The following UBR4 variants were observed in gnomAD, a reference collection of about 807,000 sequenced individuals.
UBR4 encodes E3 ubiquitin-protein ligase UBR4.
Under a neutral mutation model 575.6 loss-of-function variants are expected in UBR4, and 124 were observed. That is an observed-to-expected ratio of 0.22 (90% confidence interval 0.19 to 0.25). The LOEUF (loss-of-function observed/expected upper bound fraction) is 0.25. Among genes scored for constraint, UBR4 ranks in the 10% least tolerant of loss-of-function variants. UBR4 has a pLI of 1.00. For missense variants in UBR4, 4,818 were observed against 6,478.8 expected, an observed-to-expected ratio of 0.74 and a Z score of 8.80; for synonymous variants, 2,455 against 2,473.7, an observed-to-expected ratio of 0.99 and a Z score of 0.22.
intron 1 of UBR4, among the ~76,000 whole-genome samples, chr1:19,209,234 A>C (rs538884918): frequency 6.6e-6 from 1 of 152,364 alleles, no homozygotes; most frequent in East Asian, 1.9e-4. Flanking sequence ...GTATGGCTAG[A>C]AAAATGAAAG....
intron 8 of UBR4, among the ~76,000 whole-genome samples, chr1:19,196,201 A>G (rs1383758501): frequency 6.6e-6 from 1 of 152,134 alleles, no homozygotes; most frequent in African/African-American, 2.4e-5. Flanking sequence ...GTACTTTCTC[A>G]TCTCTCATTC....
Position 19,169,420 on chromosome 1 carries a change from C to G in UBR4, c.3741+15G>C. ...AGCACTCAGTATTTCTACCCTGGAA[C>G]AGATAGGGACTCACCCAGGATCCAA... On this transcript the variant is annotated intron_variant, in intron 27 of 105. Transcript: ENST00000375254. 1.2e-6 allele frequency: 2 copies of G among 1,604,964 alleles called. No homozygotes were observed. Among genetic ancestry groups the G allele is most frequent in the East Asian group, 2.2e-5 (1 of 44,716 alleles).
Position 19,110,448 on chromosome 1 carries a change from T to C in UBR4, c.11909A>G (p.Tyr3970Cys), listed in dbSNP as rs1006425746. Residue 3970 changes from tyrosine to cysteine, a missense_variant, in exon 80 of 106, where the codon TAT (tyrosine) becomes TGT (cysteine). By Grantham distance (194) the Tyr-to-Cys change is radical. Transcript: ENST00000375254. The surrounding 1 kb of genome is among the most constrained non-coding windows in gnomAD (Gnocchi z 4.5). ...AGAATCCGTCAGCAGCAGCATTTCA[T>C]ACTGCAGGCTACTTGCCTAGAAGGC... is the stretch of plus-strand genomic sequence containing the variant. The part of the protein sequence containing the change: ...ANPDLASSLQ[Y>C]EMLLLTDSIS... The C allele has an allele frequency of 1.2e-6, 2 of 1,613,958 alleles. No individual in the cohort carries two copies. The highest frequency in any genetic ancestry group is 1.7e-5 in the Admixed American group (1 of 60,000).
At chr1:19,167,880 G>A (rs2088784735) in intron 28 of UBR4, 147 bp downstream of exon 28, 1 of 808,850 alleles carries the variant, frequency 1.2e-6, no homozygotes, top group Admixed American at 2.9e-5. Context: ...TTCTAGGTAA[G>A]TGCTTATACT....
chr1:19,117,900 C>T lies in UBR4; in HGVS notation c.10552G>A (p.Gly3518Ser), dbSNP rs753625292. ...PNSNIYNTLS[G>S]LVEFDGYYLE... ...TAATAGCCATCAAACTCCACTAAGC[C>T]AGACAAAGTGCTAAGGAAGAAACCA... Residue 3518 changes from glycine (G) to serine (S), a missense_variant, in exon 72 of 106, where the codon GGC (glycine) becomes AGC (serine). Coordinates refer to ENST00000375254, the MANE Select transcript of UBR4 (RefSeq NM_020765.3). This position sits in a 1 kb window ranked among gnomAD's most constrained non-coding sequence, Gnocchi z 4.0. The T allele has an allele frequency of 6.2e-7, 1 of 1,614,150 alleles. No individual in the cohort carries two copies. The highest frequency in any genetic ancestry group is 8.5e-7 in the Non-Finnish European group (1 of 1,180,004).
intron 1 of UBR4, among the ~76,000 whole-genome samples, chr1:19,206,412 G>A (rs1020388609): frequency 3.3e-5 from 5 of 151,144 alleles, no homozygotes; most frequent in African/African-American, 7.3e-5. Flanking sequence ...TGCAACTTTC[G>A]CCTCCCTGGT....
chr1:19,122,576 C>T (rs536722355), intron 66 of UBR4, among the ~76,000 whole-genome samples: 3 of 152,306 alleles, frequency 2.0e-5, no homozygotes, highest in East Asian at 1.9e-4. Context: ...GTAAGAAGCT[C>T]GGGCCACTCA....
chr1:19,113,368 G>T, intron 77 of UBR4: 1 of 337,024 alleles, frequency 3.0e-6, no homozygotes, highest in Non-Finnish European at 5.5e-6. Context: ...TCAGAAGAGG[G>T]AACAGAATCT....
intron 81 of UBR4, 147 bp downstream of exon 81, chr1:19,109,949 G>A (rs1182129661): frequency 4.1e-6 from 5 of 1,219,724 alleles, no homozygotes; most frequent in South Asian, 3.0e-5. Flanking sequence ...CATATCTGCT[G>A]AACTAAGGCA....
chr1:19,111,229 A>G (rs1557625521), intron 78 of UBR4, among the ~76,000 whole-genome samples: 2 of 152,162 alleles, frequency 1.3e-5, no homozygotes, highest in African/African-American at 2.4e-5. Context: ...CTCATATTCC[A>G]GTTTACGTCT....
chr1:19,168,296 T>C, intron 27 of UBR4, 112 bp from the exon 28 acceptor site: 2 of 1,026,730 alleles, frequency 1.9e-6, no homozygotes, highest in Non-Finnish European at 2.8e-6. Flanking sequence ...TTGTAAACAA[T>C]AGCCTCTACT....
rs2080883891 is a variant in UBR4 at position 19,118,966 on chromosome 1, G to C, written c.10456-9C>G. 1 of 1,613,322 alleles carries C rather than the reference G, an allele frequency of 6.2e-7. No individual in the cohort carries two copies. The highest frequency in any genetic ancestry group is 1.7e-5 in the Admixed American group (1 of 59,978). The stretch of plus-strand genomic sequence containing the variant: ...TGTGAATACTCCTTCAACTGAAACA[G>C]AATTCAGTAAAGAAACAACTTAAAG... On this transcript the variant is annotated splice_polypyrimidine_tract_variant and intron_variant, in intron 70 of 105. Coordinates refer to ENST00000375254, the MANE Select transcript of UBR4 (RefSeq NM_020765.3).
In UBR4 at chr1:19,093,312, C is replaced by T; in HGVS notation, c.14111+1G>A. 6.2e-7 allele frequency: 1 copy of T among 1,613,168 alleles called. No homozygotes were observed. ...AGCCCCGCTGCGGGAGGGCTTCATA[C>T]TTCTTGGCGCTAGGGATGTGCTTTT... On this transcript the variant is annotated splice_donor_variant, in intron 96 of 105. Coordinates refer to ENST00000375254, the MANE Select transcript of UBR4 (RefSeq NM_020765.3). LOFTEE classifies it high-confidence loss of function. The surrounding 1 kb of genome is among the most constrained non-coding windows in gnomAD (Gnocchi z 4.8).
intron 100 of UBR4, 78 bp from the exon 101 acceptor site, chr1:19,086,348 G>C (rs2148696260): frequency 1.1e-6 from 1 of 934,778 alleles, no homozygotes. Context: ...GGGGGCGGGG[G>C]TGGGGGTGGG....
At chr1:19,104,501 A>G (rs2078981136) in intron 86 of UBR4, 84 bp downstream of exon 86, 1 of 1,444,122 alleles carries the variant, frequency 6.9e-7, no homozygotes, top group Non-Finnish European at 9.6e-7. Context: ...GAGAGAAGAG[A>G]GTCAACCCCA....
In UBR4 at chr1:19,121,311, G is replaced by A. The variant is rs372130495; in HGVS notation, c.10019C>T (p.Ser3340Leu). Residue 3340 changes from serine (S) to leucine (L), a missense_variant, in exon 68 of 106, where the codon TCG (serine) becomes TTG (leucine). Transcript: ENST00000375254. ...GGAGGAAGAAGCACTGGAGGATCCC[G>A]AAGAGGCTGCCAGTGCAGCGAGCAC... ...SKVLAALAAS[S>L]GSSSASSSSA... 1.1e-5 allele frequency: 17 copies of A among 1,614,084 alleles called. No homozygotes were observed. The highest frequency in any genetic ancestry group is 2.7e-5 in the African/African-American group (2 of 74,932).
chr1:19,114,675 C>G, intron 75 of UBR4, 136 bp downstream of exon 75: 1 of 1,143,666 alleles, frequency 8.7e-7, no homozygotes, highest in Non-Finnish European at 1.2e-6. Context: ...TGCTCCCACC[C>G]AAAAGCTGGG....
intron 13 of UBR4, 147 bp from the exon 14 acceptor site, chr1:19,186,804 T>G (rs758942762): frequency 1.9e-5 from 13 of 701,640 alleles, no homozygotes; most frequent in Non-Finnish European, 3.0e-5. Flanking sequence ...TTCATCACTT[T>G]ACCCTACAAA....
chr1:19,126,097 G>C (rs2081739229), intron 64 of UBR4, among the ~76,000 whole-genome samples: 1 of 152,176 alleles, frequency 6.6e-6, no homozygotes, highest in Non-Finnish European at 1.5e-5. Context: ...GTACGTTAAA[G>C]GGCCTCTCAG....
Sources: gnomAD v4.1 joint callset for allele counts (sites outside exome capture counted in the v4.1 genomes callset) on GRCh38, gnomAD v4.1.1 for gene constraint, Gnocchi (gnomAD v3.1) non-coding constraint, MANE v1.5 for transcripts, NCBI Gene and HGNC (gene_info 2026-07-23, HGNC 2026-07-21) for gene names.